Variants in STAT4 observed in about 807,000 individuals in gnomAD.
STAT4 encodes the protein signal transducer and activator of transcription 4.
Under a neutral mutation model 110.5 loss-of-function variants are expected in STAT4, and 42 were observed. The observed-to-expected ratio is 0.38, with a 90% confidence interval of 0.30 to 0.49. The LOEUF (loss-of-function observed/expected upper bound fraction) is 0.49. Ranked by LOEUF, STAT4 falls within the 20% of genes least tolerant of loss-of-function variation. The pLI, the probability that STAT4 is intolerant of heterozygous loss-of-function variation, is 0.95. For synonymous variants in STAT4, 284 were observed against 302.2 expected (o/e 0.94, Z 0.63); for missense variants, 632 against 887.9 (o/e 0.71, Z 3.66).
At chr2:191,136,005 G>GAAAAAAAA (rs745380203) in intron 3 of STAT4, among the ~76,000 whole-genome samples, 1 of 79,764 alleles carries the variant, frequency 1.3e-5, no homozygotes. Flanking sequence ...CAGCATCTCA[G>GAAAAAAAA]AAAAAAAAAA....
chr2:191,079,235 T>TCACACACA, intron 3 of STAT4, among the ~76,000 whole-genome samples: 1 of 151,196 alleles, frequency 6.6e-6, no homozygotes, highest in East Asian at 1.9e-4. Context: ...ACTTGTCAAG[T>TCACACACA]CACGCACACA....
intron 3 of STAT4, among the ~76,000 whole-genome samples, chr2:191,108,942 A>G (rs1698352945): frequency 1.3e-5 from 2 of 152,210 alleles, no homozygotes; most frequent in Non-Finnish European, 2.9e-5. Context: ...TGTGTGACAA[A>G]CCTTTTTTCC....
In STAT4 at chr2:191,039,165, G is replaced by A. The variant is rs1420402391; in HGVS notation, c.1434+34C>T. The A allele has an allele frequency of 6.3e-7, 1 of 1,579,352 alleles. No individual in the cohort carries two copies. Among genetic ancestry groups the A allele is most frequent in the Admixed American group, 1.7e-5 (1 of 59,976 alleles). On this transcript the variant is annotated intron_variant, in intron 16 of 23. Coordinates refer to ENST00000392320, the MANE Select transcript of STAT4 (RefSeq NM_003151.4). The surrounding 1 kb of genome is among the most constrained non-coding windows in gnomAD (Gnocchi z 4.7). ...TGTTGGCAATAAAACAAATCGAATAGCATTAAAGAAGTTGAGGTAGAAATA... is the reference window on the plus strand; with the variant it reads ...TGTTGGCAATAAAACAAATCGAATAACATTAAAGAAGTTGAGGTAGAAATA...
intron 18 of STAT4, 133 bp from the exon 19 acceptor site, chr2:191,034,138 C>A (rs1695974472): frequency 1.4e-6 from 1 of 723,814 alleles, no homozygotes. Context: ...AAAAAATATT[C>A]TTGGCCTGGT....
intron 3 of STAT4, among the ~76,000 whole-genome samples, chr2:191,101,030 C>A (rs1042261817): frequency 3.3e-5 from 5 of 151,966 alleles, no homozygotes; most frequent in African/African-American, 7.2e-5. Context: ...GCTTTGATTT[C>A]CGCTCCTGTC....
rs996993542 is a variant in STAT4, at chr2:191,143,791, A to T, written c.273+2822T>A. On this transcript the variant is annotated intron_variant, in intron 3 of 23. Coordinates refer to ENST00000392320, the MANE Select transcript of STAT4 (RefSeq NM_003151.4). This position sits in a 1 kb window ranked among gnomAD's most constrained non-coding sequence, Gnocchi z 5.6. The stretch of plus-strand genomic sequence containing the variant: ...CAGCGTCAACAGCCTTTTGATAGGG[A>T]ATTTTTTTTTTCTTTTTTGTGGGGA... Among the ~76,000 whole-genome samples the T allele has an allele frequency of 1.8e-4, 24 of 133,854 alleles. 1 individual carries two copies. Among genetic ancestry groups the T allele is most frequent in the South Asian group, 6.5e-4 (3 of 4,588 alleles). 87.8% of individuals were successfully genotyped at this position (133,854 alleles called of 152,430 possible).
intron 13 of STAT4, among the ~76,000 whole-genome samples, chr2:191,057,691 C>T (rs1203978232): frequency 6.6e-6 from 1 of 150,756 alleles, no homozygotes; most frequent in Middle Eastern, 3.2e-3. Flanking sequence ...CTCCGTCTGC[C>T]GGGTTCAAGT....
rs1699475283 is a variant in STAT4, at chr2:191,146,857, A to G, written c.129-100T>C. On this transcript the variant is annotated intron_variant, in intron 2 of 23. Transcript: ENST00000392320. This position sits in a 1 kb window ranked among gnomAD's most constrained non-coding sequence, Gnocchi z 4.5. ...AAAACAATAAACCTATTACATGGTG[A>G]TAAGCATTTAAAAGTTTTAAAAAAT... The G allele has an allele frequency of 2.6e-6, 3 of 1,156,008 alleles. No individual in the cohort carries two copies. In the Admixed American group the frequency reaches 1.0e-4, roughly 39 times the overall value. The allele number at this position is 1,156,008 out of a possible 1,614,324, so 71.6% of individuals were successfully genotyped here.
In STAT4 at chr2:191,051,543, C is replaced by T. The variant is rs184249841; in HGVS notation, c.1251+2947G>A. On this transcript the variant is annotated intron_variant, in intron 14 of 23. Transcript: ENST00000392320. The surrounding 1 kb of genome is among the most constrained non-coding windows in gnomAD (Gnocchi z 5.6). ...CTAACTCCACTATGCCACTGAGGCA[C>T]GACACAAGTGCAAAAGGAGACACAG... is the stretch of plus-strand genomic sequence containing the variant. Among the ~76,000 whole-genome samples the T allele has an allele frequency of 1.2e-4, 19 of 152,314 alleles. No individual in the cohort carries two copies. Among genetic ancestry groups the T allele is most frequent in the Admixed American group, 7.8e-4 (12 of 15,300 alleles).
chr2:191,039,429 CT>C lies in STAT4; in HGVS notation c.1336-133del, dbSNP rs1696128507. 1.4e-6 allele frequency: 1 copy of C among 708,688 alleles called. No individual in the cohort carries two copies. The highest frequency in any genetic ancestry group is 2.5e-6 in the Non-Finnish European group (1 of 399,352). The allele number at this position is 708,688 out of a possible 1,614,324, so 43.9% of individuals were successfully genotyped here. On this transcript the variant is annotated intron_variant, in intron 15 of 23. Coordinates refer to ENST00000392320, the MANE Select transcript of STAT4 (RefSeq NM_003151.4). This position sits in a 1 kb window ranked among gnomAD's most constrained non-coding sequence, Gnocchi z 4.7. ...CTCCAGTCCTGATGTCCATGGTGCCCTGGTCACTGAAATGACTTGTGAAGGC... is the reference window on the plus strand; with the variant it reads ...CTCCAGTCCTGATGTCCATGGTGCCCGGTCACTGAAATGACTTGTGAAGGC...
rs190567071 is a variant in STAT4 at position 191,036,529 on chromosome 2, G to A, written c.1435-230C>T. ...AGAAAACACCTAAAACTGTTCAGCA[G>A]CTTCCCAGTATGATCTCAGGAGTGG... On this transcript the variant is annotated intron_variant, in intron 16 of 23. Transcript: ENST00000392320. Among the ~76,000 whole-genome samples, 9 of 152,286 alleles carry A rather than the reference G, an allele frequency of 5.9e-5. No individual in the cohort carries two copies. In the East Asian group the frequency reaches 1.4e-3, roughly 23 times the overall value.
rs1035257067 is a variant in STAT4, at chr2:191,104,127, T to C, written c.274-27802A>G. 5.3e-5 allele frequency among the ~76,000 whole-genome samples: 8 copies of C among 152,160 alleles called. No individual in the cohort carries two copies. Among genetic ancestry groups the C allele is most frequent in the Non-Finnish European group, 4.4e-5 (3 of 68,000 alleles). On this transcript the variant is annotated intron_variant, in intron 3 of 23. Transcript: ENST00000392320. This position sits in a 1 kb window ranked among gnomAD's most constrained non-coding sequence, Gnocchi z 4.3. ...GTGAAAAAATATATCTATTCATCTCTAATACTTTTAAAAAGACAAGAAAAA... is the reference window on the plus strand; with the variant it reads ...GTGAAAAAATATATCTATTCATCTCCAATACTTTTAAAAAGACAAGAAAAA...
At position 191,144,176 on chromosome 2, in the gene STAT4, A is replaced by G. The variant is rs1166175043; in HGVS notation, c.273+2437T>C. ...AAAAGGAGATCAGCCTTTTACCCTC[A>G]AGGACCTTGTGACCTGGTTTGACAC... is the stretch of plus-strand genomic sequence containing the variant. On this transcript the variant is annotated intron_variant, in intron 3 of 23. Transcript: ENST00000392320. This position sits in a 1 kb window ranked among gnomAD's most constrained non-coding sequence, Gnocchi z 4.7. Among the ~76,000 whole-genome samples, 4 of 152,210 alleles carry G rather than the reference A, an allele frequency of 2.6e-5. No homozygotes were observed. Among genetic ancestry groups the G allele is most frequent in the Non-Finnish European group, 2.9e-5 (2 of 68,046 alleles).
intron 3 of STAT4, among the ~76,000 whole-genome samples, chr2:191,111,353 T>C (rs1182492123): frequency 6.6e-6 from 1 of 152,224 alleles, no homozygotes; most frequent in Admixed American, 6.5e-5. Context: ...AAGCAGAATA[T>C]TAACAATTTA....
intron 5 of STAT4, among the ~76,000 whole-genome samples, chr2:191,070,640 T>C (rs2125252075): frequency 6.6e-6 from 1 of 152,332 alleles, no homozygotes; most frequent in Non-Finnish European, 1.5e-5. Flanking sequence ...AAGTCTTCTC[T>C]AAGGAAACAT....
At chr2:191,149,879 A>G (rs1699549778) in intron 1 of STAT4, among the ~76,000 whole-genome samples, 2 of 152,152 alleles carry the variant, frequency 1.3e-5, no homozygotes, top group Non-Finnish European at 1.5e-5. Context: ...TGAAAAATCT[A>G]TTTTCTAACT....
intron 3 of STAT4, among the ~76,000 whole-genome samples, chr2:191,109,283 GT>G (rs1313525002): frequency 6.6e-6 from 1 of 151,376 alleles, no homozygotes; most frequent in South Asian, 2.1e-4. Context: ...CAGGTTTTTT[GT>G]TTTTTTGTTT....
chr2:191,109,145 G>C (rs1698358198), intron 3 of STAT4, among the ~76,000 whole-genome samples: 2 of 152,182 alleles, frequency 1.3e-5, no homozygotes, highest in African/African-American at 2.4e-5. Context: ...GTGGGTCGCA[G>C]GGCATCACTA....
chr2:191,080,391 T>TA lies in STAT4; in HGVS notation c.274-4067dup, dbSNP rs1181519598. ...AATTTTTCTGAATCTCCTTTAAACTTAGATTTATTGGCACTCATATTTTTC... is the reference window on the plus strand; with the variant it reads ...AATTTTTCTGAATCTCCTTTAAACTTAAGATTTATTGGCACTCATATTTTTC... On this transcript the variant is annotated intron_variant, in intron 3 of 23. Coordinates refer to ENST00000392320, the MANE Select transcript of STAT4 (RefSeq NM_003151.4). 3.9e-5 allele frequency among the ~76,000 whole-genome samples: 6 copies of TA among 152,144 alleles called. 1 individual carries two copies. The highest frequency in any genetic ancestry group is 1.4e-4 in the African/African-American group (6 of 41,444).
Sources: gnomAD v4.1 joint callset for allele counts (sites outside exome capture counted in the v4.1 genomes callset) on GRCh38, gnomAD v4.1.1 for gene constraint, Gnocchi (gnomAD v3.1) non-coding constraint, MANE v1.5 for transcripts, NCBI Gene and HGNC (gene_info 2026-07-23, HGNC 2026-07-21) for gene names.